The following AKAP1 variants were observed in gnomAD, a reference collection of about 807,000 sequenced individuals.
AKAP1 encodes the protein A-kinase anchoring protein 1.
A neutral mutation model predicts 79.8 loss-of-function variants in AKAP1; 32 were observed. The ratio of observed to expected loss-of-function variants is 0.40; its 90% CI spans 0.30 to 0.54. The LOEUF (loss-of-function observed/expected upper bound fraction) is 0.54, where lower values mean the gene tolerates loss of function less well. Among genes scored for constraint, AKAP1 ranks in the 20% least tolerant of loss-of-function variants. AKAP1 has a pLI of 0.47. For synonymous variants in AKAP1, 416 were observed against 466.7 expected, an observed-to-expected ratio of 0.89 and a Z score of 1.40; for missense variants, 961 against 1,138.9, an observed-to-expected ratio of 0.84 and a Z score of 2.25.
intron 1 of AKAP1, chr17:57,096,333 T>C (rs1914111176): frequency 6.6e-6 from 1 of 152,254 alleles, no homozygotes. Context: ...CAGACACTAC[T>C]GGGTTAAGCT....
At position 57,116,190 on chromosome 17, in the gene AKAP1, C is replaced by A; in HGVS notation, c.2361C>A (p.Asn787Lys). ...AQVVASYEET[N>K]EVEIRYVDYG... ...TGGTTGCCTCCTACGAGGAGACCAA[C>A]GAAGTGGAGATTCGATACGTGGACT... is the stretch of plus-strand genomic sequence containing the variant. The change falls in exon 7 of 11, where the codon AAC becomes AAA. Residue 787 changes from asparagine to lysine, a missense_variant. By Grantham distance (94) the Asn-to-Lys change is moderately conservative (BLOSUM62 0). Around this residue, in one of 3 missense-constraint regions of AKAP1, gnomAD observed 629 missense variants for 781.1 expected, o/e 0.81. Transcript: ENST00000337714. 1 of 1,614,162 alleles carries A rather than the reference C, an allele frequency of 6.2e-7. No individual in the cohort carries two copies. The highest frequency in any genetic ancestry group is 8.5e-7 in the Non-Finnish European group (1 of 1,180,034).
rs61731968 is a variant in AKAP1 at position 57,106,365 on chromosome 17, G to A, written c.901G>A (p.Glu301Lys). The A allele has an allele frequency of 0.012, 18,822 of 1,613,730 alleles. 1,879 individuals are homozygous for A. In the African/African-American group the frequency reaches 0.22, roughly 19 times the overall value. ...CGCCAAAGCCCAGGATAGAGGTGTC[G>A]AGGGAGAACTGGGCAATGAGGAGAG... ...ADAKAQDRGVEGELGNEESLD... is the reference protein window; with the variant it reads ...ADAKAQDRGVKGELGNEESLD... The change falls in exon 2 of 11, where the codon GAG becomes AAG. Residue 301 changes from glutamate to lysine, a missense_variant. By Grantham distance (56) the Glu-to-Lys change is moderately conservative. Transcript: ENST00000337714.
intron 1 of AKAP1, among the ~76,000 whole-genome samples, chr17:57,100,048 C>A (rs1402304104): frequency 1.3e-5 from 2 of 152,146 alleles, no homozygotes; most frequent in Admixed American, 6.5e-5. Context: ...GGTGGGGCTT[C>A]TCCCAGCCAT....
chr17:57,115,046 C>T (rs562964776), intron 6 of AKAP1, among the ~76,000 whole-genome samples: 26 of 151,854 alleles, frequency 1.7e-4, no homozygotes, highest in Non-Finnish European at 3.4e-4. Context: ...TAATGGTTAC[C>T]ACAAAAAAAT....
chr17:57,099,967 G>A (rs776391697), intron 1 of AKAP1, among the ~76,000 whole-genome samples: 38 of 152,248 alleles, frequency 2.5e-4, no homozygotes, highest in Middle Eastern at 3.4e-3. Context: ...GTGTGGTGGT[G>A]TGGTGTGGGA....
rs114068123 is a variant in AKAP1 at position 57,102,892 on chromosome 17, C to T, written c.-24-2549C>T. Among the ~76,000 whole-genome samples the T allele has an allele frequency of 5.7e-3, 864 of 152,192 alleles. 5 individuals carry two copies. Among genetic ancestry groups the T allele is most frequent in the African/African-American group, 0.015 (612 of 41,496 alleles). ...CTGAGGTCTCGAGTTCCAGTCTAGC[C>T]AACATGGCGAAACCCCGTCTCTACC... On this transcript the variant is annotated intron_variant, in intron 1 of 10. Coordinates refer to ENST00000337714, the MANE Select transcript of AKAP1 (RefSeq NM_003488.4).
intron 9 of AKAP1, 120 bp downstream of exon 9, chr17:57,118,574 A>G: frequency 2.1e-6 from 2 of 944,874 alleles, no homozygotes; most frequent in South Asian, 2.9e-5. Context: ...GGAAAGGTGC[A>G]TGAAGTAGCT....
At chr17:57,090,348 CA>C (rs1913710330) in intron 1 of AKAP1, among the ~76,000 whole-genome samples, 1 of 151,818 alleles carries the variant, frequency 6.6e-6, no homozygotes, top group South Asian at 2.1e-4. Flanking sequence ...TATTCTCTGT[CA>C]GCCCTATGAG....
rs202214225 is a variant in AKAP1, at chr17:57,106,389, A to T, written c.925A>T (p.Ser309Cys). 3.7e-6 allele frequency: 6 copies of T among 1,607,478 alleles called. No homozygotes were observed. Among genetic ancestry groups the T allele is most frequent in the African/African-American group, 1.4e-5 (1 of 73,766 alleles). ...CGAGGGAGAACTGGGCAATGAGGAGAGCTTGGATAGAAATGAGGAGGGCTT... is the reference window on the plus strand; with the variant it reads ...CGAGGGAGAACTGGGCAATGAGGAGTGCTTGGATAGAAATGAGGAGGGCTT... ...GVEGELGNEESLDRNEEGLDR... is the reference protein window; with the variant it reads ...GVEGELGNEECLDRNEEGLDR... Residue 309 changes from serine (S) to cysteine (C), a missense_variant, in exon 2 of 11, where the codon AGC becomes TGC. Ser to Cys is a moderately radical substitution (Grantham distance 112, BLOSUM62 -1). Transcript: ENST00000337714.
intron 9 of AKAP1, 56 bp from the exon 10 acceptor site, chr17:57,118,926 A>AT (rs1282800255): frequency 1.9e-6 from 3 of 1,565,462 alleles, no homozygotes. Context: ...TCAAGATGAT[A>AT]TTTGAGTGGG....
chr17:57,100,846 A>G (rs1355348468), intron 1 of AKAP1, among the ~76,000 whole-genome samples: 1 of 152,010 alleles, frequency 6.6e-6, no homozygotes, highest in Non-Finnish European at 1.5e-5. Flanking sequence ...CCAGACCAAC[A>G]TGGAGAAACC....
Position 57,120,318 on chromosome 17 carries a change from C to G in AKAP1, c.2706C>G (p.Ser902Arg), listed in dbSNP as rs750279219. ...LAQWVDSYYT[S>R]L ...AGTGGGTAGACAGCTACTACACAAG[C>G]CTTTGACCCCCATGCTGCTTCCTGA... The change falls in exon 11 of 11, where the codon AGC (serine) becomes AGG (arginine). Residue 902 changes from serine (S) to arginine (R), a missense_variant. By Grantham distance (110) the Ser-to-Arg change is moderately radical. Coordinates refer to ENST00000337714, the MANE Select transcript of AKAP1 (RefSeq NM_003488.4). 1 of 1,613,432 alleles carries G rather than the reference C, an allele frequency of 6.2e-7. No individual in the cohort carries two copies. Among genetic ancestry groups the G allele is most frequent in the Non-Finnish European group, 8.5e-7 (1 of 1,179,792 alleles).
chr17:57,114,477 A>G lies in AKAP1; in HGVS notation c.2122A>G (p.Ile708Val). ...MTSWLMLPDG[I>V]TVEVIVVNQV... The stretch of plus-strand genomic sequence containing the variant: ...TCTACAGCTCATGCTGCCTGATGGC[A>G]TCACCGTGGAGGTCATTGTGGTCAA... Residue 708 changes from isoleucine (I) to valine (V), a missense_variant, in exon 6 of 11, where the codon ATC becomes GTC. Ile to Val is a conservative substitution (Grantham distance 29). Coordinates refer to ENST00000337714, the MANE Select transcript of AKAP1 (RefSeq NM_003488.4). 6.2e-7 allele frequency: 1 copy of G among 1,614,102 alleles called. No homozygotes were observed. Among genetic ancestry groups the G allele is most frequent in the East Asian group, 2.2e-5 (1 of 44,876 alleles).
At position 57,106,318 on chromosome 17, in the gene AKAP1, CG is replaced by C; in HGVS notation, c.855del (p.Pro286GlnfsTer66). On this transcript the variant is annotated frameshift_variant, in exon 2 of 11. Coordinates refer to ENST00000337714, the MANE Select transcript of AKAP1 (RefSeq NM_003488.4). LOFTEE classifies it high-confidence loss of function. ...AHTELAKDDA[A>X]PAPPVADAKA... is the part of the protein sequence containing the mutation. ...ACAGAGCTGGCAAAGGACGATGCGGCGCCAGCACCCCCAGTCGCAGACGCCA... is the reference window on the plus strand; with the variant it reads ...ACAGAGCTGGCAAAGGACGATGCGGCCCAGCACCCCCAGTCGCAGACGCCA... 6.2e-7 allele frequency: 1 copy of C among 1,614,076 alleles called. No homozygotes were observed.
intron 1 of AKAP1, among the ~76,000 whole-genome samples, chr17:57,087,805 G>A (rs143575928): frequency 0.028 from 4,318 of 152,296 alleles, 151 homozygotes; most frequent in Admixed American, 0.11. Flanking sequence ...CTCCCAGCCT[G>A]CAACATGACT....
chr17:57,118,183 C>T (rs1038501129), intron 8 of AKAP1, among the ~76,000 whole-genome samples, 198 bp from the exon 9 acceptor site: 1 of 152,092 alleles, frequency 6.6e-6, no homozygotes, highest in Non-Finnish European at 1.5e-5. Flanking sequence ...CATGCAGTAG[C>T]GGCCCTTAGT....
intron 1 of AKAP1, chr17:57,096,267 G>A (rs1329255093): frequency 1.3e-5 from 2 of 152,280 alleles, no homozygotes; most frequent in Admixed American, 1.3e-4. Flanking sequence ...TAGAGCACCT[G>A]GTAGTGGATT....
At position 57,091,567 on chromosome 17, in the gene AKAP1, CGGGGAGCT is replaced by C. The variant is rs918884689; in HGVS notation, c.-25+6186_-25+6193del. On this transcript the variant is annotated intron_variant, in intron 1 of 10. Transcript: ENST00000337714. ...AGGCAGGCATGTGACTGAGGCAGCC[CGGGGAGCT>C]GGGGAGCTGGGGAGCTAGGTGTCAG... is the stretch of plus-strand genomic sequence containing the variant. Among the ~76,000 whole-genome samples, 13 of 152,160 alleles carry C rather than the reference CGGGGAGCT, an allele frequency of 8.5e-5. 2 individuals carry two copies. The highest frequency in any genetic ancestry group is 3.9e-4 in the East Asian group (2 of 5,186).
At position 57,118,952 on chromosome 17, in the gene AKAP1, C is replaced by T. The variant is rs772563526; in HGVS notation, c.2575-30C>T. On this transcript the variant is annotated intron_variant, in intron 9 of 10. Coordinates refer to ENST00000337714, the MANE Select transcript of AKAP1 (RefSeq NM_003488.4). ...TTTGAGTGGGGACACAAAACCTAAC[C>T]ATATTATTCTTTCCACCCCCCTTCT... The T allele has an allele frequency of 8.7e-6, 14 of 1,606,374 alleles. No homozygotes were observed. The South Asian group carries it at 1.5e-4, about 18-fold the overall frequency.
Sources: gnomAD v4.1 joint callset for allele counts (sites outside exome capture counted in the v4.1 genomes callset) on GRCh38, gnomAD v4.1.1 for gene constraint, gnomAD v4.1.1 regional missense constraint, MANE v1.5 for transcripts, NCBI Gene and HGNC (gene_info 2026-07-23, HGNC 2026-07-21) for gene names.